Variants in ADAMTS15 observed in about 807,000 individuals in gnomAD.
The protein encoded by ADAMTS15 is A disintegrin and metalloproteinase with thrombospondin motifs 15.
A neutral mutation model predicts 79.1 loss-of-function variants in ADAMTS15; 35 were observed. The observed-to-expected ratio is 0.44, with a 90% CI of 0.34 to 0.59. The LOEUF (loss-of-function observed/expected upper bound fraction) is 0.59. Among genes scored for constraint, ADAMTS15 ranks in the 20% least tolerant of loss-of-function variants. The pLI, the probability that ADAMTS15 is intolerant of heterozygous loss-of-function variation, is 0.02. For synonymous variants in ADAMTS15, 616 were observed against 567.3 expected (o/e 1.09, Z -1.22); for missense variants, 1,324 against 1,318.7 (o/e 1.00, Z -0.06).
chr11:130,470,944 A>G lies in ADAMTS15; in HGVS notation c.1745A>G (p.Glu582Gly), dbSNP rs148676964. 36 of 1,613,404 alleles carry G rather than the reference A, an allele frequency of 2.2e-5. No homozygotes were observed. The African/African-American group carries it at 4.0e-4, about 18-fold the overall frequency. ...GCCTCCGGAAAGAGCTTCCGGGAGGAGCAGTGTGAGGCTTTCAACGGCTAC... is the reference window on the plus strand; with the variant it reads ...GCCTCCGGAAAGAGCTTCCGGGAGGGGCAGTGTGAGGCTTTCAACGGCTAC... ...SSASGKSFRE[E>G]QCEAFNGYNH... is the part of the protein sequence containing the mutation. The change falls in exon 6 of 8, where the codon GAG (glutamate) becomes GGG (glycine). Residue 582 changes from glutamate to glycine, a missense_variant. Physicochemically the swap from Glu to Gly is moderately conservative, Grantham distance 98. Coordinates refer to ENST00000299164, the MANE Select transcript of ADAMTS15 (RefSeq NM_139055.4).
In ADAMTS15 at chr11:130,470,853, A is replaced by C; in HGVS notation, c.1721-67A>C. 2.6e-6 allele frequency: 4 copies of C among 1,520,056 alleles called. No individual in the cohort carries two copies. The South Asian group carries it at 5.0e-5, about 19-fold the overall frequency. 94.2% of individuals were successfully genotyped at this position (1,520,056 alleles called of 1,614,324 possible). A position where few individuals can be genotyped will look rare whatever the true frequency, so the allele number is the denominator to read the frequency against. On this transcript the variant is annotated intron_variant, in intron 5 of 7. Coordinates refer to ENST00000299164, the MANE Select transcript of ADAMTS15 (RefSeq NM_139055.4). ...AGAGAGCCACGGCAGGCTGGGAGGG[A>C]GGCTTGTCCTTTGCACCGGCCTTGT...
At chr11:130,454,515 A>C (rs1323756196) in intron 1 of ADAMTS15, among the ~76,000 whole-genome samples, 2 of 152,260 alleles carry the variant, frequency 1.3e-5, no homozygotes, top group African/African-American at 4.8e-5. Flanking sequence ...CGTATGTTAC[A>C]CATATCTCCC....
chr11:130,470,165 T>TAC lies in ADAMTS15; in HGVS notation c.1720+727_1720+728insCA, dbSNP rs1191282402. ...ATATATATATATGTGTATATATATA[T>TAC]ATATATATATATATATGTGTGTATA... is the stretch of plus-strand genomic sequence containing the variant. On this transcript the variant is annotated intron_variant, in intron 5 of 7. Coordinates refer to ENST00000299164, the MANE Select transcript of ADAMTS15 (RefSeq NM_139055.4). Among the ~76,000 whole-genome samples the TAC allele has an allele frequency of 1.8e-4, 10 of 55,858 alleles. 1 individual carries two copies. Among genetic ancestry groups the TAC allele is most frequent in the South Asian group, 9.6e-4 (2 of 2,088 alleles). 36.6% of individuals were successfully genotyped at this position (55,858 alleles called of 152,430 possible). A position where few individuals can be genotyped will look rare whatever the true frequency, so the allele number is the denominator to read the frequency against.
In ADAMTS15 at chr11:130,472,941, C is replaced by T. The variant is rs1417406763; in HGVS notation, c.2079-106C>T. 14 of 1,491,206 alleles carry T rather than the reference C, an allele frequency of 9.4e-6. No individual in the cohort carries two copies. The highest frequency in any genetic ancestry group is 1.2e-5 in the Non-Finnish European group (13 of 1,102,440). The allele number at this position is 1,491,206 out of a possible 1,614,324, so 92.4% of individuals were successfully genotyped here. A position where few individuals can be genotyped will look rare whatever the true frequency, so the allele number is the denominator to read the frequency against. Reference sequence around the variant, plus strand: ...CAAAACCTGTGCTTTTACTCCCATGCCAGAATTCACCGAAAGCTAGGTTTA... The same window carrying T: ...CAAAACCTGTGCTTTTACTCCCATGTCAGAATTCACCGAAAGCTAGGTTTA... On this transcript the variant is annotated intron_variant, in intron 7 of 7. Coordinates refer to ENST00000299164, the MANE Select transcript of ADAMTS15 (RefSeq NM_139055.4). The surrounding 1 kb of genome is among the most constrained non-coding windows in gnomAD (Gnocchi z 4.7).
In ADAMTS15 at chr11:130,451,452, A is replaced by G. The variant is rs538719259; in HGVS notation, c.957+1522A>G. Among the ~76,000 whole-genome samples the G allele has an allele frequency of 5.3e-5, 8 of 152,250 alleles. No individual in the cohort carries two copies. In the East Asian group the frequency reaches 1.4e-3, roughly 26 times the overall value. ...CTGTTTCCTTGTGCTCATTCTTCCA[A>G]CTGAGGTCTGTTGAGCTGCCACTGC... On this transcript the variant is annotated intron_variant, in intron 1 of 7. Transcript: ENST00000299164.
At position 130,449,967 on chromosome 11, in the gene ADAMTS15, C is replaced by T. The variant is rs1395333436; in HGVS notation, c.957+37C>T. 6.3e-7 allele frequency: 1 copy of T among 1,585,608 alleles called. No homozygotes were observed. The highest frequency in any genetic ancestry group is 1.1e-5 in the South Asian group (1 of 89,470). On this transcript the variant is annotated intron_variant, in intron 1 of 7. Transcript: ENST00000299164. The surrounding 1 kb of genome is among the most constrained non-coding windows in gnomAD (Gnocchi z 7.8). Reference sequence around the variant, plus strand: ...TGCCGTCACTTTGCACCCAGATAGTCCCGTTCTTTAGGGTCACCTCCCCTA... The same window carrying T: ...TGCCGTCACTTTGCACCCAGATAGTTCCGTTCTTTAGGGTCACCTCCCCTA...
chr11:130,462,271 G>A lies in ADAMTS15; in HGVS notation c.1258+17G>A, dbSNP rs1240838916. On this transcript the variant is annotated intron_variant, in intron 3 of 7. Transcript: ENST00000299164. The surrounding 1 kb of genome is among the most constrained non-coding windows in gnomAD (Gnocchi z 4.3). ...GCGGGCACGGTAAGCCAGGACGGCG[G>A]GAGGGCAATGAGGCCGCCTCGGAGG... is the stretch of plus-strand genomic sequence containing the variant. 6.2e-7 allele frequency: 1 copy of A among 1,604,148 alleles called. No homozygotes were observed. The highest frequency in any genetic ancestry group is 2.2e-5 in the East Asian group (1 of 44,666).
Position 130,462,337 on chromosome 11 carries a change from G to C in ADAMTS15, c.1258+83G>C. The C allele has an allele frequency of 2.6e-6, 4 of 1,516,990 alleles. No individual in the cohort carries two copies. The highest frequency in any genetic ancestry group is 3.5e-6 in the Non-Finnish European group (4 of 1,129,018). The allele number at this position is 1,516,990 out of a possible 1,614,324, so 94.0% of individuals were successfully genotyped here. A position where few individuals can be genotyped will look rare whatever the true frequency, so the allele number is the denominator to read the frequency against. On this transcript the variant is annotated intron_variant, in intron 3 of 7. Transcript: ENST00000299164. This position sits in a 1 kb window ranked among gnomAD's most constrained non-coding sequence, Gnocchi z 4.3. ...CCCTGGTGGAGGTGCTCACTTCTCC[G>C]TCCTCTGTACATTAGGTGTGTGTGC...
intron 5 of ADAMTS15, among the ~76,000 whole-genome samples, chr11:130,470,219 T>C (rs1318700956): frequency 1.6e-5 from 2 of 126,496 alleles, no homozygotes; most frequent in East Asian, 4.3e-4. Context: ...TGTATATATA[T>C]ATATATTTTC....
At chr11:130,468,476 C>T (rs1938348797) in intron 4 of ADAMTS15, among the ~76,000 whole-genome samples, 2 of 151,002 alleles carry the variant, frequency 1.3e-5, no homozygotes, top group South Asian at 4.2e-4. Flanking sequence ...ATTAAAAATA[C>T]AAAATAAGGC....
intron 1 of ADAMTS15, among the ~76,000 whole-genome samples, chr11:130,457,978 G>T (rs1486149455): frequency 6.6e-6 from 1 of 152,094 alleles, no homozygotes; most frequent in Non-Finnish European, 1.5e-5. Flanking sequence ...CTCTTTCCTT[G>T]TTCCTCTCAT....
At chr11:130,454,799 A>G (rs191830093) in intron 1 of ADAMTS15, among the ~76,000 whole-genome samples, 11 of 152,184 alleles carry the variant, frequency 7.2e-5, no homozygotes, top group African/African-American at 2.7e-4. Flanking sequence ...TAATGTCAGC[A>G]GATGGGGGAG....
intron 7 of ADAMTS15, 98 bp downstream of exon 7, chr11:130,471,481 A>G: frequency 7.1e-7 from 1 of 1,399,322 alleles, no homozygotes; most frequent in Non-Finnish European, 9.5e-7. Context: ...GGTAAATGTC[A>G]GATCCAGCCA....
In ADAMTS15 at chr11:130,471,390, TCTGGGCC is replaced by T; in HGVS notation, c.2078+11_2078+17del. The stretch of plus-strand genomic sequence containing the variant: ...GACTCTTCACCAAGCCCATGTGAGT[TCTGGGCC>T]CTGAAGGTCCTGCCAGGGAGCAAAG... On this transcript the variant is annotated splice_region_variant and intron_variant, in intron 7 of 7. Coordinates refer to ENST00000299164, the MANE Select transcript of ADAMTS15 (RefSeq NM_139055.4). The T allele has an allele frequency of 6.2e-7, 1 of 1,600,846 alleles. No individual in the cohort carries two copies. Among genetic ancestry groups the T allele is most frequent in the Non-Finnish European group, 8.5e-7 (1 of 1,176,980 alleles).
chr11:130,461,530 T>C lies in ADAMTS15; in HGVS notation c.999T>C (p.Ala333=). Residue 333 remains alanine (A), a synonymous_variant, in exon 2 of 8, where the codon GCT becomes GCC. Coordinates refer to ENST00000299164, the MANE Select transcript of ADAMTS15 (RefSeq NM_139055.4). The part of the protein sequence containing the change: ...GATTCDTLGM[A]DVGTMCDPKR... The stretch of plus-strand genomic sequence containing the variant: ...CCACCTGTGACACCCTGGGCATGGC[T>C]GATGTGGGTACCATGTGTGACCCCA... 1.9e-6 allele frequency: 3 copies of C among 1,614,142 alleles called. No individual in the cohort carries two copies. Among genetic ancestry groups the C allele is most frequent in the Non-Finnish European group, 2.5e-6 (3 of 1,180,022 alleles).
rs746031620 is a variant in ADAMTS15 at position 130,462,764 on chromosome 11, A to G, written c.1526A>G (p.Asn509Ser). The change falls in exon 4 of 8, where the codon AAC becomes AGC. Residue 509 changes from asparagine to serine, a missense_variant. By Grantham distance (46) the Asn-to-Ser change is conservative. Transcript: ENST00000299164. This position sits in a 1 kb window ranked among gnomAD's most constrained non-coding sequence, Gnocchi z 4.3. Reference protein sequence around the residue: ...CLKGACVERHNLNKHRVDGSW... With the variant: ...CLKGACVERHSLNKHRVDGSW... ...AAAGGGGCCTGCGTGGAGAGACACAACCTCAACAAGCACAGGGTGAGTGAG... is the reference window on the plus strand; with the variant it reads ...AAAGGGGCCTGCGTGGAGAGACACAGCCTCAACAAGCACAGGGTGAGTGAG... The G allele has an allele frequency of 6.3e-7, 1 of 1,593,634 alleles. No homozygotes were observed. Among genetic ancestry groups the G allele is most frequent in the African/African-American group, 1.3e-5 (1 of 74,576 alleles).
In ADAMTS15 at chr11:130,462,224, A is replaced by G. The variant is rs1171451322; in HGVS notation, c.1228A>G (p.Ile410Val). The part of the protein sequence containing the change: ...ANPWSACSAA[I>V]ITDFLDSGHG... ...CCCCTGGTCAGCCTGCAGTGCTGCC[A>G]TCATCACCGACTTCCTGGACAGCGG... The change falls in exon 3 of 8, where the codon ATC becomes GTC. Residue 410 changes from isoleucine to valine, a missense_variant. Transcript: ENST00000299164. This position sits in a 1 kb window ranked among gnomAD's most constrained non-coding sequence, Gnocchi z 4.3. The G allele has an allele frequency of 1.2e-6, 2 of 1,613,954 alleles. No homozygotes were observed. The highest frequency in any genetic ancestry group is 2.2e-5 in the East Asian group (1 of 44,890).
intron 4 of ADAMTS15, among the ~76,000 whole-genome samples, chr11:130,465,028 G>C (rs116174292): frequency 0.013 from 1,900 of 151,638 alleles, 33 homozygotes; most frequent in African/African-American, 0.042. Flanking sequence ...AGAAATTTAG[G>C]TGGGCCCATA....
Position 130,449,429 on chromosome 11 carries a change from G to C in ADAMTS15, c.456G>C (p.Gln152His). Residue 152 changes from glutamine (Q) to histidine (H), a missense_variant, in exon 1 of 8, where the codon CAG (glutamine) becomes CAC (histidine). Gln to His is a conservative substitution (Grantham distance 24). Transcript: ENST00000299164. The surrounding 1 kb of genome is among the most constrained non-coding windows in gnomAD (Gnocchi z 7.8). ...ASAPAAQRNS[Q>H]GAHLLQRRGV... ...CGCCGGCGGCGCAGCGCAACAGCCAGGGCGCACACCTTCTCCAGCGCCGGG... is the reference window on the plus strand; with the variant it reads ...CGCCGGCGGCGCAGCGCAACAGCCACGGCGCACACCTTCTCCAGCGCCGGG... The C allele has an allele frequency of 6.3e-7, 1 of 1,594,156 alleles. No homozygotes were observed. Among genetic ancestry groups the C allele is most frequent in the Non-Finnish European group, 8.5e-7 (1 of 1,174,684 alleles).
Sources: gnomAD v4.1 joint callset for allele counts (sites outside exome capture counted in the v4.1 genomes callset) on GRCh38, gnomAD v4.1.1 for gene constraint, Gnocchi (gnomAD v3.1) non-coding constraint, MANE v1.5 for transcripts, NCBI Gene and HGNC (gene_info 2026-07-23, HGNC 2026-07-21) for gene names.